Variants in ZNF385D observed in about 807,000 individuals in gnomAD.
ZNF385D encodes zinc finger protein 659.
ZNF385D carries 15 observed loss-of-function variants against 35.8 expected under a neutral mutation model. That is an observed-to-expected ratio of 0.42 (90% CI 0.28 to 0.64). The LOEUF (loss-of-function observed/expected upper bound fraction) is 0.64, where lower values mean the gene tolerates loss of function less well. Among genes scored for constraint, ZNF385D ranks in the 30% least tolerant of loss-of-function variants. The probability of loss-of-function intolerance (pLI) is 0.23; values close to 1 mark genes in which losing one functional copy is unlikely to be tolerated. For missense variants in ZNF385D, 474 were observed against 494.6 expected (o/e 0.96, Z 0.39); for synonymous variants, 212 against 186.8 (o/e 1.13, Z -1.10).
chr3:22,158,927 G>A (rs188909616), intron 3 of ZNF385D, among the ~76,000 whole-genome samples: 2 of 152,032 alleles, frequency 1.3e-5, no homozygotes, highest in East Asian at 1.9e-4. Context: ...TACTTCTAGG[G>A]GAAATGTAAA....
intron 3 of ZNF385D, among the ~76,000 whole-genome samples, chr3:21,931,760 G>T (rs1196665865): frequency 6.6e-6 from 1 of 152,146 alleles, no homozygotes. Context: ...AAACTAGATT[G>T]TTATAATGTT....
intron 4 of ZNF385D, among the ~76,000 whole-genome samples, chr3:21,446,800 A>G (rs899649223): frequency 1.4e-4 from 3 of 21,772 alleles, no homozygotes; most frequent in Non-Finnish European, 3.9e-4. Context: ...GCCTAAACAA[A>G]CTTTTCTTTG....
intron 2 of ZNF385D, among the ~76,000 whole-genome samples, chr3:21,635,510 G>T (rs1287471042): frequency 1.3e-5 from 2 of 151,866 alleles, no homozygotes; most frequent in African/African-American, 4.8e-5. Flanking sequence ...TTCAGCTCAG[G>T]CAATGTAGTT....
intron 4 of ZNF385D, among the ~76,000 whole-genome samples, chr3:21,451,598 C>T (rs969456707): frequency 6.6e-6 from 1 of 151,970 alleles, no homozygotes; most frequent in Non-Finnish European, 1.5e-5. Flanking sequence ...CTATCAGGTA[C>T]AACAATGCAT....
chr3:21,911,665 CA>C (rs973976650), intron 3 of ZNF385D, among the ~76,000 whole-genome samples: 4 of 150,438 alleles, frequency 2.7e-5, no homozygotes, highest in East Asian at 2.0e-4. Context: ...AGAAGGCATA[CA>C]TTTTTTTATT....
At chr3:21,953,315 G>C (rs1702148952) in intron 3 of ZNF385D, among the ~76,000 whole-genome samples, 1 of 151,004 alleles carries the variant, frequency 6.6e-6, no homozygotes, top group Non-Finnish European at 1.5e-5. Flanking sequence ...TAATTATTTA[G>C]TTTTTGGATG....
At chr3:21,471,260 CTCTCTCTCTCTCTT>C (rs1703868653) in intron 4 of ZNF385D, among the ~76,000 whole-genome samples, 4 of 118,038 alleles carry the variant, frequency 3.4e-5, no homozygotes, top group South Asian at 3.4e-4. Context: ...CCCTTTCTCT[CTCTCTCTCTCTCTT>C]TCTCTCTCTC....
chr3:21,941,321 T>C (rs912526760), intron 3 of ZNF385D, among the ~76,000 whole-genome samples: 5 of 120,040 alleles, frequency 4.2e-5, no homozygotes, highest in Admixed American at 7.5e-5. Flanking sequence ...AAAAATATTA[T>C]CTATTTGGAA....
chr3:21,732,742 G>A (rs1157681148), intron 1 of ZNF385D, among the ~76,000 whole-genome samples: 5 of 152,136 alleles, frequency 3.3e-5, no homozygotes, highest in Admixed American at 1.3e-4. Flanking sequence ...CAGGTTGTTT[G>A]TTTTCTTATT....
chr3:21,847,454 G>T (rs1696083874), intron 3 of ZNF385D, among the ~76,000 whole-genome samples: 2 of 152,110 alleles, frequency 1.3e-5, no homozygotes, highest in South Asian at 2.1e-4. Flanking sequence ...TTTTTGATAG[G>T]AACAATAGCA....
intron 3 of ZNF385D, among the ~76,000 whole-genome samples, chr3:21,880,203 C>A (rs558763709): frequency 6.6e-6 from 1 of 151,972 alleles, no homozygotes; most frequent in Non-Finnish European, 1.5e-5. Context: ...GTAGGATCAG[C>A]CTCACTTATG....
At chr3:21,698,889 G>A (rs1054999056) in intron 1 of ZNF385D, among the ~76,000 whole-genome samples, 2 of 152,242 alleles carry the variant, frequency 1.3e-5, no homozygotes, top group East Asian at 1.9e-4. Context: ...TTACACTGTC[G>A]GTGGGAATGA....
At chr3:21,603,131 A>G (rs1425080416) in intron 2 of ZNF385D, among the ~76,000 whole-genome samples, 1 of 152,244 alleles carries the variant, frequency 6.6e-6, no homozygotes, top group Non-Finnish European at 1.5e-5. Flanking sequence ...TGAACACTGT[A>G]TATGTACCAA....
intron 3 of ZNF385D, among the ~76,000 whole-genome samples, chr3:22,065,559 G>T (rs1699899786): frequency 6.6e-6 from 1 of 152,142 alleles, no homozygotes; most frequent in South Asian, 2.1e-4. Context: ...CACTTGATGG[G>T]ATCCTTACAC....
chr3:22,319,766 A>AAGCTG (rs1694313970), intron 2 of ZNF385D, among the ~76,000 whole-genome samples: 1 of 152,208 alleles, frequency 6.6e-6, no homozygotes, highest in African/African-American at 2.4e-5. Context: ...AAGAGACCAC[A>AAGCTG]ATAAGCACAA....
intron 3 of ZNF385D, among the ~76,000 whole-genome samples, chr3:21,981,838 G>C (rs1559816205): frequency 6.6e-6 from 1 of 152,220 alleles, no homozygotes; most frequent in South Asian, 2.1e-4. Context: ...ACCATTACTT[G>C]TTTTTGTCAG....
chr3:22,222,848 G>A (rs566126268), intron 2 of ZNF385D, among the ~76,000 whole-genome samples: 24 of 152,194 alleles, frequency 1.6e-4, no homozygotes, highest in Admixed American at 1.1e-3. Context: ...TAAGAACCAC[G>A]AGTCTTTTTT....
intron 1 of ZNF385D, among the ~76,000 whole-genome samples, chr3:21,750,260 A>G (rs1163453988): frequency 6.6e-6 from 1 of 152,206 alleles, no homozygotes; most frequent in Non-Finnish European, 1.5e-5. Context: ...GCTCAACTGA[A>G]AACCTAACTG....
chr3:21,836,150 C>A (rs965083899), intron 3 of ZNF385D, among the ~76,000 whole-genome samples: 10 of 140,450 alleles, frequency 7.1e-5, no homozygotes, highest in African/African-American at 2.7e-4. Context: ...ATTTTTAGGG[C>A]TAATGCTGTT....
Sources: gnomAD v4.1 joint callset for allele counts (sites outside exome capture counted in the v4.1 genomes callset) on GRCh38, gnomAD v4.1.1 for gene constraint, MANE v1.5 for transcripts, NCBI Gene and HGNC (gene_info 2026-07-23, HGNC 2026-07-21) for gene names.